RNF135: variants seen among roughly 807,000 people sequenced by gnomAD.
RNF135 encodes the protein ring finger protein 135, also known as E3 ubiquitin-protein ligase RNF135.
A neutral mutation model predicts 41.9 loss-of-function variants in RNF135; 46 were observed. That is an observed-to-expected ratio of 1.10 (90% CI 0.87 to 1.40). The LOEUF (loss-of-function observed/expected upper bound fraction) is 1.40. Ranked by LOEUF, RNF135 falls within the 40% of genes most tolerant of loss-of-function variation. RNF135 has a pLI of 0.00. For missense variants in RNF135, 539 were observed against 549.8 expected (o/e 0.98, Z 0.20); for synonymous variants, 238 against 223.8 (o/e 1.06, Z -0.57).
intron 1 of RNF135, 32 bp downstream of exon 1, chr17:30,971,477 TC>T (rs1405537231): frequency 2.0e-6 from 3 of 1,463,700 alleles, no homozygotes; most frequent in East Asian, 2.8e-5. Flanking sequence ...CTCCCCTGGC[TC>T]CCCCGGGCTG....
intron 1 of RNF135, among the ~76,000 whole-genome samples, chr17:30,976,434 G>A (rs1271590558): frequency 6.6e-6 from 1 of 152,232 alleles, no homozygotes; most frequent in Non-Finnish European, 1.5e-5. Context: ...TCTGTAGCGT[G>A]GATGTAAATG....
chr17:30,962,332 C>T, the RNF135 span, among the ~76,000 whole-genome samples: 9 of 152,086 alleles, frequency 5.9e-5, no homozygotes, highest in East Asian at 1.5e-3. Flanking sequence ...TGAGGTTTCA[C>T]CATGTTGGCC....
At chr17:30,984,915 T>C (rs1316899346) in intron 2 of RNF135, among the ~76,000 whole-genome samples, 155 bp downstream of exon 2, 2 of 152,202 alleles carry the variant, frequency 1.3e-5, no homozygotes, top group East Asian at 3.8e-4. Flanking sequence ...ATTGGACATT[T>C]GGAATGCTTG....
the RNF135 span, among the ~76,000 whole-genome samples, chr17:30,960,392 A>AAAAAAG: frequency 1.3e-5 from 2 of 151,622 alleles, no homozygotes; most frequent in Non-Finnish European, 2.9e-5. Flanking sequence ...CTCCGTCTCA[A>AAAAAAG]AAAAAGAAAA....
chr17:30,992,823 A>G (rs936701673), intron 3 of RNF135, among the ~76,000 whole-genome samples: 2 of 151,784 alleles, frequency 1.3e-5, no homozygotes, highest in African/African-American at 4.8e-5. Context: ...TTCATGTAGT[A>G]AATTTTGTTC....
At chr17:30,979,673 ACCTC>A (rs1906856569) in intron 1 of RNF135, among the ~76,000 whole-genome samples, 1 of 67,458 alleles carries the variant, frequency 1.5e-5, no homozygotes, top group African/African-American at 5.9e-5. Flanking sequence ...GATCCCCCCC[ACCTC>A]CCTCCCGGAC....
At chr17:30,988,223 T>G in intron 3 of RNF135, 117 bp downstream of exon 3, 1 of 990,292 alleles carries the variant, frequency 1.0e-6, no homozygotes, top group East Asian at 2.6e-5. Flanking sequence ...GTATTACCAC[T>G]GTGGTGTCGT....
rs115040797 is a variant in RNF135 at position 30,986,004 on chromosome 17, G to A, written c.516+1244G>A. 5.3e-3 allele frequency among the ~76,000 whole-genome samples: 802 copies of A among 152,246 alleles called. 11 individuals are homozygous for A. Among genetic ancestry groups the A allele is most frequent in the African/African-American group, 0.018 (763 of 41,548 alleles). On this transcript the variant is annotated intron_variant, in intron 2 of 4. Transcript: ENST00000328381. ...TCATCCTTCAGATCCTAGCTAGAACGTCATTTCTTCAGAAAGAAGCCTTCA... is the reference window on the plus strand; with the variant it reads ...TCATCCTTCAGATCCTAGCTAGAACATCATTTCTTCAGAAAGAAGCCTTCA...
chr17:30,987,872 A>G (rs1598095360), intron 2 of RNF135, 72 bp from the exon 3 acceptor site: 1 of 1,398,970 alleles, frequency 7.1e-7, no homozygotes, highest in East Asian at 2.3e-5. Context: ...TGAATAGAAA[A>G]ACTTGAATAT....
chr17:30,997,462 T>C, intron 4 of RNF135, 131 bp downstream of exon 4: 2 of 811,932 alleles, frequency 2.5e-6, no homozygotes, highest in Non-Finnish European at 4.2e-6. Context: ...TCCAGGTCCC[T>C]CCACGGGGGG....
At chr17:30,965,756 G>A in the RNF135 span, among the ~76,000 whole-genome samples, 1 of 152,192 alleles carries the variant, frequency 6.6e-6, no homozygotes, top group Non-Finnish European at 1.5e-5. Context: ...TGGTTTTTCA[G>A]TTTGGTGGGC....
At chr17:30,965,627 C>T in the RNF135 span, 1 of 152,210 alleles carries the variant, frequency 6.6e-6, no homozygotes, top group Non-Finnish European at 1.5e-5. Flanking sequence ...ACGGGTTCTT[C>T]CTGCCCACTG....
intron 2 of RNF135, 31 bp downstream of exon 2, chr17:30,984,791 G>T (rs763941015): frequency 2.7e-5 from 44 of 1,612,214 alleles, no homozygotes; most frequent in Non-Finnish European, 3.5e-5. Flanking sequence ...AAAGGATGTG[G>T]AAGGGAATAG....
At chr17:30,978,609 A>AT (rs1483128747) in intron 1 of RNF135, 14 of 147,754 alleles carry the variant, frequency 9.5e-5, no homozygotes, top group African/African-American at 3.6e-4. Context: ...TTTATTTTTT[A>AT]TTTTTTATTT....
Position 30,985,482 on chromosome 17 carries a change from C to T in RNF135, c.516+722C>T, listed in dbSNP as rs145998778. Among the ~76,000 whole-genome samples the T allele has an allele frequency of 2.6e-3, 394 of 152,274 alleles. 1 individual carries two copies. Among genetic ancestry groups the T allele is most frequent in the African/African-American group, 9.0e-3 (374 of 41,558 alleles). ...GTACAGAAGCCAGAGACCTGGAAAT[C>T]ATGTTACCTTCTTCTCCCTTACCCT... On this transcript the variant is annotated intron_variant, in intron 2 of 4. Coordinates refer to ENST00000328381, the MANE Select transcript of RNF135 (RefSeq NM_032322.4).
chr17:30,966,207 G>T (rs1401738500), upstream of RNF135, among the ~76,000 whole-genome samples: 2 of 152,112 alleles, frequency 1.3e-5, no homozygotes, highest in South Asian at 2.1e-4. Context: ...TTCCTTCCAC[G>T]GTTAGCTTGG....
chr17:30,961,884 C>T, the RNF135 span, among the ~76,000 whole-genome samples: 51 of 152,266 alleles, frequency 3.3e-4, no homozygotes, highest in African/African-American at 1.2e-3. Flanking sequence ...GGTGTATGAA[C>T]AAGCATGTAA....
chr17:30,985,507 TA>T (rs1907521676), intron 2 of RNF135, among the ~76,000 whole-genome samples: 2 of 152,180 alleles, frequency 1.3e-5, no homozygotes, highest in South Asian at 4.1e-4. Flanking sequence ...TCCCTTACCC[TA>T]ATATGCAGCA....
At chr17:30,977,296 T>G (rs1294106124) in intron 1 of RNF135, among the ~76,000 whole-genome samples, 1 of 152,220 alleles carries the variant, frequency 6.6e-6, no homozygotes, top group Non-Finnish European at 1.5e-5. Flanking sequence ...TATCTTATAC[T>G]ATCTATATGT....
Sources: gnomAD v4.1 joint callset for allele counts (sites outside exome capture counted in the v4.1 genomes callset) on GRCh38, gnomAD v4.1.1 for gene constraint, MANE v1.5 for transcripts, NCBI Gene and HGNC (gene_info 2026-07-23, HGNC 2026-07-21) for gene names.